The following NYAP1 variants were observed in gnomAD, a reference collection of about 807,000 sequenced individuals.
The protein encoded by NYAP1 is neuronal tyrosine-phosphorylated phosphoinositide-3-kinase adapter 1.
In NYAP1, 20 loss-of-function variants were observed where a neutral mutation model predicts 58.6. The observed-to-expected ratio is 0.34, with a 90% CI of 0.24 to 0.50. The LOEUF (loss-of-function observed/expected upper bound fraction) is 0.50. NYAP1 is among the 20% of genes least tolerant of loss of function. The probability of loss-of-function intolerance (pLI) is 0.98; values close to 1 mark genes in which losing one functional copy is unlikely to be tolerated. For synonymous variants in NYAP1, 572 were observed against 523.1 expected (o/e 1.09, Z -1.27); for missense variants, 1,150 against 1,194.5 (o/e 0.96, Z 0.55).
In NYAP1 at chr7:100,494,001, TG is replaced by T; in HGVS notation, c.*101del. On this transcript the variant is annotated 3_prime_UTR_variant, in exon 7 of 7. Coordinates refer to ENST00000300179, the MANE Select transcript of NYAP1 (RefSeq NM_173564.4). The stretch of plus-strand genomic sequence containing the variant: ...CCTTGAGAGACATTGAAAGACTACG[TG>T]GGAGAGTGCCAGGGAGAACCCCTGC... 1 of 1,102,666 alleles carries T rather than the reference TG, an allele frequency of 9.1e-7. No homozygotes were observed. The highest frequency in any genetic ancestry group is 1.7e-5 in the South Asian group (1 of 57,158). 68.3% of individuals were successfully genotyped at this position (1,102,666 alleles called of 1,614,324 possible).
Position 100,489,363 on chromosome 7 carries a change from C to T in NYAP1, c.1642C>T (p.Leu548=), listed in dbSNP as rs1274485099. The T allele has an allele frequency of 3.1e-6, 5 of 1,612,452 alleles. No individual in the cohort carries two copies. In the South Asian group the frequency reaches 5.5e-5, roughly 18 times the overall value. The change falls in exon 4 of 7, where the codon CTG becomes TTG. Residue 548 remains leucine (L), a synonymous_variant. Coordinates refer to ENST00000300179, the MANE Select transcript of NYAP1 (RefSeq NM_173564.4). ...PDPTVGPLTP[L]WTYPATAAGL... is the part of the protein sequence containing the mutation. ...CCCAACTGTAGGCCCCCTGACCCCG[C>T]TGTGGACCTACCCAGCCACAGCAGC...
At position 100,489,639 on chromosome 7, in the gene NYAP1, G is replaced by C. The variant is rs368748156; in HGVS notation, c.1918G>C (p.Gly640Arg). The change falls in exon 4 of 7, where the codon GGA (glycine) becomes CGA (arginine). Residue 640 changes from glycine (G) to arginine (R), a missense_variant. Transcript: ENST00000300179. Reference protein sequence around the residue: ...GWALQRKVLYGGRKAKELDKV... With the variant: ...GWALQRKVLYRGRKAKELDKV... ...GGCCCTGCAGAGGAAGGTCCTCTATGGAGGGAGAAAAGCAAAGGAGTTGGA... is the reference window on the plus strand; with the variant it reads ...GGCCCTGCAGAGGAAGGTCCTCTATCGAGGGAGAAAAGCAAAGGAGTTGGA... 6 of 1,603,564 alleles carry C rather than the reference G, an allele frequency of 3.7e-6. No individual in the cohort carries two copies. The highest frequency in any genetic ancestry group is 3.4e-6 in the Non-Finnish European group (4 of 1,175,260).
Position 100,493,945 on chromosome 7 carries a change from G to A in NYAP1, c.*42G>A. The A allele has an allele frequency of 7.2e-7, 1 of 1,385,788 alleles. No homozygotes were observed. The highest frequency in any genetic ancestry group is 9.4e-7 in the Non-Finnish European group (1 of 1,067,254). The allele number at this position is 1,385,788 out of a possible 1,614,324, so 85.8% of individuals were successfully genotyped here. A position where few individuals can be genotyped will look rare whatever the true frequency, so the allele number is the denominator to read the frequency against. On this transcript the variant is annotated 3_prime_UTR_variant, in exon 7 of 7. Coordinates refer to ENST00000300179, the MANE Select transcript of NYAP1 (RefSeq NM_173564.4). The stretch of plus-strand genomic sequence containing the variant: ...CCGGGGCGCCTGGACTGGGGAGGGG[G>A]CGGGCACGCCTGGCTCTCCCGGGAG...
In NYAP1 at chr7:100,490,973, T is replaced by C. The variant is rs966433200; in HGVS notation, c.2159-13T>C. The C allele has an allele frequency of 2.6e-5, 40 of 1,522,896 alleles. No individual in the cohort carries two copies. The African/African-American group carries it at 3.2e-4, about 12-fold the overall frequency. The allele number at this position is 1,522,896 out of a possible 1,614,324, so 94.3% of individuals were successfully genotyped here. On this transcript the variant is annotated splice_polypyrimidine_tract_variant and intron_variant, in intron 5 of 6. Coordinates refer to ENST00000300179, the MANE Select transcript of NYAP1 (RefSeq NM_173564.4). The surrounding 1 kb of genome is among the most constrained non-coding windows in gnomAD (Gnocchi z 4.6). The stretch of plus-strand genomic sequence containing the variant: ...GGCCCCTGCACTCCTCACTCCTCCT[T>C]CTTCCACCTCAGACTTCACGGGAGG...
At chr7:100,489,942 CA>C (rs796397165) in intron 4 of NYAP1, among the ~76,000 whole-genome samples, 9 of 152,148 alleles carry the variant, frequency 5.9e-5, no homozygotes, top group African/African-American at 2.2e-4. Flanking sequence ...CCCGGGGCTG[CA>C]GGGGTGTGTG....
chr7:100,488,760 T>A lies in NYAP1; in HGVS notation c.1039T>A (p.Ser347Thr), dbSNP rs759592245. The change falls in exon 4 of 7, where the codon TCC becomes ACC. Residue 347 changes from serine to threonine, a missense_variant. Transcript: ENST00000300179. This position sits in a 1 kb window ranked among gnomAD's most constrained non-coding sequence, Gnocchi z 5.9. ...GGCCTTCCCCCAAGCCAAGTCTGCT[T>A]CCCGAACCCCTGGCGATGGGGTCTC... Reference protein sequence around the residue: ...LLAFPQAKSASRTPGDGVSRL... With the variant: ...LLAFPQAKSATRTPGDGVSRL... 1 of 1,599,306 alleles carries A rather than the reference T, an allele frequency of 6.3e-7. No individual in the cohort carries two copies. The highest frequency in any genetic ancestry group is 2.2e-5 in the East Asian group (1 of 44,618).
At chr7:100,493,332 G>T (rs917004721) in intron 6 of NYAP1, among the ~76,000 whole-genome samples, 1 of 152,164 alleles carries the variant, frequency 6.6e-6, no homozygotes, top group African/African-American at 2.4e-5. Context: ...CTGCACTCTG[G>T]CCTGGGCGAC....
In NYAP1 at chr7:100,485,136, G is replaced by T; in HGVS notation, c.-84-92G>T. On this transcript the variant is annotated intron_variant, in intron 1 of 6. Coordinates refer to ENST00000300179, the MANE Select transcript of NYAP1 (RefSeq NM_173564.4). The surrounding 1 kb of genome is among the most constrained non-coding windows in gnomAD (Gnocchi z 5.7). ...TTTCCTCTCTGAGGACCCGAGTCAT[G>T]TCTCTTCTCCGTTTTCTCTCTTTCA... 1 of 595,426 alleles carries T rather than the reference G, an allele frequency of 1.7e-6. No homozygotes were observed. 36.9% of individuals were successfully genotyped at this position (595,426 alleles called of 1,614,324 possible).
rs940581449 is a variant in NYAP1 at position 100,488,716 on chromosome 7, A to G, written c.995A>G (p.Gln332Arg). The change falls in exon 4 of 7, where the codon CAG (glutamine) becomes CGG (arginine). Residue 332 changes from glutamine to arginine, a missense_variant. Transcript: ENST00000300179. The surrounding 1 kb of genome is among the most constrained non-coding windows in gnomAD (Gnocchi z 5.9). ...EIPPPFPNLL[Q>R]HRPPLLAFPQ... ...CCCCCGCCCTTCCCCAACCTCCTTCAGCACCGGCCTCCACTCCTGGCCTTC... is the reference window on the plus strand; with the variant it reads ...CCCCCGCCCTTCCCCAACCTCCTTCGGCACCGGCCTCCACTCCTGGCCTTC... 2 of 1,605,556 alleles carry G rather than the reference A, an allele frequency of 1.2e-6. No homozygotes were observed. Among genetic ancestry groups the G allele is most frequent in the African/African-American group, 1.4e-5 (1 of 72,526 alleles).
rs1447395830 is a variant in NYAP1 at position 100,487,735 on chromosome 7, G to C, written c.431-417G>C. ...CCAGGCTGACAAGGCCAGGCTTGCT[G>C]GCCTCAGGTGATCCACCCACCTCGG... On this transcript the variant is annotated intron_variant, in intron 3 of 6. Coordinates refer to ENST00000300179, the MANE Select transcript of NYAP1 (RefSeq NM_173564.4). This position sits in a 1 kb window ranked among gnomAD's most constrained non-coding sequence, Gnocchi z 4.1. Among the ~76,000 whole-genome samples, 1 of 152,156 alleles carries C rather than the reference G, an allele frequency of 6.6e-6. No homozygotes were observed. The highest frequency in any genetic ancestry group is 1.5e-5 in the Non-Finnish European group (1 of 68,010).
rs1430125630 is a variant in NYAP1 at position 100,488,779 on chromosome 7, G to A, written c.1058G>A (p.Gly353Glu). 8.2e-6 allele frequency: 13 copies of A among 1,589,854 alleles called. No individual in the cohort carries two copies. Among genetic ancestry groups the A allele is most frequent in the African/African-American group, 1.3e-5 (1 of 74,148 alleles). Residue 353 changes from glycine to glutamate, a missense_variant, in exon 4 of 7, where the codon GGG (glycine) becomes GAG (glutamate). Transcript: ENST00000300179. The surrounding 1 kb of genome is among the most constrained non-coding windows in gnomAD (Gnocchi z 5.9). Reference protein sequence around the residue: ...AKSASRTPGDGVSRLPVLCHS... With the variant: ...AKSASRTPGDEVSRLPVLCHS... ...TCTGCTTCCCGAACCCCTGGCGATG[G>A]GGTCTCAAGGCTACCTGTCCTCTGC...
rs1799740220 is a variant in NYAP1, at chr7:100,488,590, A to G, written c.869A>G (p.Gln290Arg). The part of the protein sequence containing the change: ...PPPLTATSPP[Q>R]QPHALPPHAH... ...CCATTGACGGCAACATCCCCGCCAC[A>G]ACAGCCTCACGCCCTTCCGCCCCAT... The change falls in exon 4 of 7, where the codon CAA (glutamine) becomes CGA (arginine). Residue 290 changes from glutamine (Q) to arginine (R), a missense_variant. Transcript: ENST00000300179. The surrounding 1 kb of genome is among the most constrained non-coding windows in gnomAD (Gnocchi z 5.9). 1.9e-6 allele frequency: 3 copies of G among 1,611,286 alleles called. No individual in the cohort carries two copies. Among genetic ancestry groups the G allele is most frequent in the South Asian group, 1.1e-5 (1 of 90,920 alleles).
chr7:100,488,304 C>T lies in NYAP1; in HGVS notation c.583C>T (p.Arg195Cys), dbSNP rs774652349. The T allele has an allele frequency of 1.1e-5, 18 of 1,613,254 alleles. No individual in the cohort carries two copies. The highest frequency in any genetic ancestry group is 4.0e-5 in the African/African-American group (3 of 74,878). ...TCGAGGGGGGAACCTGCCTCTTCAG[C>T]GCCTCACTAGGGGGTCCCGAGTAGC... ...SPRGGNLPLQRLTRGSRVAGD... is the reference protein window; with the variant it reads ...SPRGGNLPLQCLTRGSRVAGD... Residue 195 changes from arginine to cysteine, a missense_variant, in exon 4 of 7, where the codon CGC (arginine) becomes TGC (cysteine). Transcript: ENST00000300179. This position sits in a 1 kb window ranked among gnomAD's most constrained non-coding sequence, Gnocchi z 5.9.
chr7:100,485,431 C>T lies in NYAP1; in HGVS notation c.68+52C>T, dbSNP rs896993242. ...TTCCCTTCCGCACCTCTGCCTGCCCCCTCACTGGGCCACAGCCCTTCTCGG... is the reference window on the plus strand; with the variant it reads ...TTCCCTTCCGCACCTCTGCCTGCCCTCTCACTGGGCCACAGCCCTTCTCGG... On this transcript the variant is annotated intron_variant, in intron 2 of 6. Coordinates refer to ENST00000300179, the MANE Select transcript of NYAP1 (RefSeq NM_173564.4). The surrounding 1 kb of genome is among the most constrained non-coding windows in gnomAD (Gnocchi z 5.7). 1.4e-6 allele frequency: 2 copies of T among 1,388,946 alleles called. No individual in the cohort carries two copies. The highest frequency in any genetic ancestry group is 2.5e-5 in the East Asian group (1 of 40,778). 86.0% of individuals were successfully genotyped at this position (1,388,946 alleles called of 1,614,324 possible).
At position 100,488,265 on chromosome 7, in the gene NYAP1, C is replaced by T. The variant is rs563740424; in HGVS notation, c.544C>T (p.Pro182Ser). The T allele has an allele frequency of 6.2e-7, 1 of 1,613,878 alleles. No homozygotes were observed. The highest frequency in any genetic ancestry group is 8.5e-7 in the Non-Finnish European group (1 of 1,179,946). Residue 182 changes from proline (P) to serine (S), a missense_variant, in exon 4 of 7, where the codon CCA (proline) becomes TCA (serine). By Grantham distance (74) the Pro-to-Ser change is moderately conservative. Coordinates refer to ENST00000300179, the MANE Select transcript of NYAP1 (RefSeq NM_173564.4). The surrounding 1 kb of genome is among the most constrained non-coding windows in gnomAD (Gnocchi z 5.9). ...TGTCTCCTTCGATGAGTCCTGCCCCCCAGGCCCCTCTCCTCGAGGGGGGAA... is the reference window on the plus strand; with the variant it reads ...TGTCTCCTTCGATGAGTCCTGCCCCTCAGGCCCCTCTCCTCGAGGGGGGAA... ...LSVSFDESCPPGPSPRGGNLP... is the reference protein window; with the variant it reads ...LSVSFDESCPSGPSPRGGNLP...
rs144725552 is a variant in NYAP1 at position 100,488,453 on chromosome 7, G to A, written c.732G>A (p.Pro244=). 202 of 1,609,120 alleles carry A rather than the reference G, an allele frequency of 1.3e-4. No individual in the cohort carries two copies. In the African/African-American group the frequency reaches 2.3e-3, roughly 18 times the overall value. Residue 244 remains proline, a synonymous_variant, in exon 4 of 7, where the codon CCG becomes CCA. Transcript: ENST00000300179. This position sits in a 1 kb window ranked among gnomAD's most constrained non-coding sequence, Gnocchi z 5.9. The part of the protein sequence containing the change: ...LAGPPLGGGG[P]TPPAGADSDS... Reference sequence around the variant, plus strand: ...GGCCCCCTCTTGGGGGTGGGGGCCCGACCCCTCCAGCGGGCGCCGACTCGG... The same window carrying A: ...GGCCCCCTCTTGGGGGTGGGGGCCCAACCCCTCCAGCGGGCGCCGACTCGG...
chr7:100,485,417 ACCTCTGCCTGCCC>A lies in NYAP1; in HGVS notation c.68+43_68+55del, dbSNP rs756399139. On this transcript the variant is annotated intron_variant, in intron 2 of 6. Coordinates refer to ENST00000300179, the MANE Select transcript of NYAP1 (RefSeq NM_173564.4). The surrounding 1 kb of genome is among the most constrained non-coding windows in gnomAD (Gnocchi z 5.7). ...CCCAGACTGCTCCCTTCCCTTCCGCACCTCTGCCTGCCCCCTCACTGGGCCACAGCCCTTCTCG... is the reference window on the plus strand; with the variant it reads ...CCCAGACTGCTCCCTTCCCTTCCGCACCTCACTGGGCCACAGCCCTTCTCG... The A allele has an allele frequency of 1.3e-6, 2 of 1,494,504 alleles. No homozygotes were observed. The highest frequency in any genetic ancestry group is 1.8e-6 in the Non-Finnish European group (2 of 1,093,892). 92.6% of individuals were successfully genotyped at this position (1,494,504 alleles called of 1,614,324 possible).
chr7:100,493,926 C>A lies in NYAP1; in HGVS notation c.*23C>A, dbSNP rs774971730. The A allele has an allele frequency of 4.7e-5, 67 of 1,417,792 alleles. No individual in the cohort carries two copies. The highest frequency in any genetic ancestry group is 2.9e-4 in the Admixed American group (10 of 34,514). The allele number at this position is 1,417,792 out of a possible 1,614,324, so 87.8% of individuals were successfully genotyped here. ...TGAGGCGGGCGGGGGGGTACCGGGG[C>A]GCCTGGACTGGGGAGGGGGCGGGCA... On this transcript the variant is annotated 3_prime_UTR_variant, in exon 7 of 7. Coordinates refer to ENST00000300179, the MANE Select transcript of NYAP1 (RefSeq NM_173564.4).
chr7:100,489,799 G>C, intron 4 of NYAP1, 133 bp downstream of exon 4: 3 of 713,140 alleles, frequency 4.2e-6, no homozygotes, highest in East Asian at 2.9e-5. Context: ...TTTTCTAGGA[G>C]ACCAGAGAGG....
Sources: allele counts gnomAD v4.1 joint callset (sites outside exome capture counted in the v4.1 genomes callset), GRCh38; gene constraint gnomAD v4.1.1; non-coding constraint Gnocchi (gnomAD v3.1); transcripts MANE v1.5; gene names NCBI Gene and HGNC (gene_info 2026-07-23, HGNC 2026-07-21).